ASTN2: variants seen among roughly 807,000 people sequenced by gnomAD.
The protein encoded by ASTN2 is astrotactin-2.
Under a neutral mutation model 139.8 loss-of-function variants are expected in ASTN2, and 54 were observed. That is an observed-to-expected ratio of 0.39 (90% CI 0.31 to 0.48). ASTN2 has a LOEUF of 0.48. Ranked by LOEUF, ASTN2 falls within the 20% of genes least tolerant of loss-of-function variation. The probability of loss-of-function intolerance (pLI) is 0.95; values close to 1 mark genes in which losing one functional copy is unlikely to be tolerated. For missense variants in ASTN2, 1,565 were observed against 1,725.1 expected (o/e 0.91, Z 1.64); for synonymous variants, 756 against 719.5 (o/e 1.05, Z -0.81).
chr9:117,016,255 T>C (rs911652352), intron 6 of ASTN2, among the ~76,000 whole-genome samples: 2 of 152,002 alleles, frequency 1.3e-5, no homozygotes, highest in Non-Finnish European at 2.9e-5. Context: ...AGCTAGAACA[T>C]GGACTTTGTG....
chr9:116,629,907 T>C (rs1177131468), intron 17 of ASTN2, among the ~76,000 whole-genome samples: 1 of 152,120 alleles, frequency 6.6e-6, no homozygotes, highest in Non-Finnish European at 1.5e-5. Flanking sequence ...CAGCTGTCTG[T>C]TTCTCAAGAT....
rs35759848 is a variant in ASTN2, at chr9:117,005,080, A to ATTTTTTTTTTT, written c.1591+3001_1591+3011dup. On this transcript the variant is annotated intron_variant, in intron 7 of 22. Coordinates refer to ENST00000313400, the MANE Select transcript of ASTN2 (RefSeq NM_001365068.1). ...AATTTGAGTTGTGGACCTGTAGTCG[A>ATTTTTTTTTTT]TTTTTTTTTTTTTTTTTTTTTTTTG... 1.1e-4 allele frequency among the ~76,000 whole-genome samples: 8 copies of ATTTTTTTTTTT among 74,666 alleles called. 2 individuals carry two copies. Among genetic ancestry groups the ATTTTTTTTTTT allele is most frequent in the African/African-American group, 3.4e-4 (6 of 17,906 alleles). 49.0% of individuals were successfully genotyped at this position (74,666 alleles called of 152,430 possible).
At position 117,284,065 on chromosome 9, in the gene ASTN2, G is replaced by A. The variant is rs1217657066; in HGVS notation, c.630+7261C>T. ...CAATATGTTAAGCTCCTAACCCTCA[G>A]TACTTCAGAATGTGGTGTTATTTGA... On this transcript the variant is annotated intron_variant, in intron 2 of 22. Transcript: ENST00000313400. Among the ~76,000 whole-genome samples the A allele has an allele frequency of 2.0e-5, 3 of 152,148 alleles. No individual in the cohort carries two copies. The East Asian group carries it at 5.8e-4, about 29-fold the overall frequency.
chr9:116,920,953 A>G (rs1254921321), intron 10 of ASTN2, among the ~76,000 whole-genome samples: 1 of 152,206 alleles, frequency 6.6e-6, no homozygotes, highest in Non-Finnish European at 1.5e-5. Flanking sequence ...TCACACTGTT[A>G]CAATGAAATA....
chr9:116,836,894 T>A (rs1318626422), intron 11 of ASTN2, among the ~76,000 whole-genome samples: 1 of 151,928 alleles, frequency 6.6e-6, no homozygotes, highest in Non-Finnish European at 1.5e-5. Flanking sequence ...CTTTTACATT[T>A]TTTTTTTAAA....
At chr9:117,240,920 T>A (rs1187675692) in intron 2 of ASTN2, among the ~76,000 whole-genome samples, 1 of 152,196 alleles carries the variant, frequency 6.6e-6, no homozygotes, top group Non-Finnish European at 1.5e-5. Flanking sequence ...AATTTTAGCA[T>A]AAGGCTCACA....
intron 20 of ASTN2, among the ~76,000 whole-genome samples, chr9:116,468,536 C>T (rs1023422719): frequency 6.6e-6 from 1 of 152,180 alleles, no homozygotes; most frequent in African/African-American, 2.4e-5. Context: ...AGATTTTAAT[C>T]TCCCTTCTTT....
At chr9:116,486,571 C>G (rs1849345009) in intron 20 of ASTN2, among the ~76,000 whole-genome samples, 1 of 152,180 alleles carries the variant, frequency 6.6e-6, no homozygotes. Flanking sequence ...GAATAAAGCT[C>G]AACTTCGTAA....
chr9:117,201,470 G>A (rs2132990927), intron 3 of ASTN2, among the ~76,000 whole-genome samples: 1 of 152,174 alleles, frequency 6.6e-6, no homozygotes, highest in East Asian at 1.9e-4. Context: ...TCTGATGTGG[G>A]CATTTAGTGC....
At chr9:116,890,446 C>T (rs1833734851) in intron 10 of ASTN2, among the ~76,000 whole-genome samples, 1 of 152,202 alleles carries the variant, frequency 6.6e-6, no homozygotes. Context: ...CAAGAGAACC[C>T]ATTTCCCCAC....
chr9:117,022,967 T>C (rs1410778679), intron 6 of ASTN2, among the ~76,000 whole-genome samples: 1 of 149,532 alleles, frequency 6.7e-6, no homozygotes, highest in Non-Finnish European at 1.5e-5. Flanking sequence ...AACAGGAAGA[T>C]AGTGAAAACA....
At chr9:117,085,584 C>T (rs1828540328) in intron 5 of ASTN2, among the ~76,000 whole-genome samples, 1 of 152,152 alleles carries the variant, frequency 6.6e-6, no homozygotes, top group Admixed American at 6.5e-5. Flanking sequence ...TTGGTGGTGC[C>T]CTGGGACGGC....
chr9:117,156,431 G>A (rs1830434827), intron 3 of ASTN2, among the ~76,000 whole-genome samples: 1 of 152,002 alleles, frequency 6.6e-6, no homozygotes, highest in Non-Finnish European at 1.5e-5. Flanking sequence ...CTAATTCTTT[G>A]CTGTGGAAAC....
At chr9:116,926,396 G>A (rs962739116) in intron 10 of ASTN2, among the ~76,000 whole-genome samples, 9 of 152,108 alleles carry the variant, frequency 5.9e-5, no homozygotes, top group Admixed American at 3.9e-4. Context: ...ATCTTCTATA[G>A]CCTTGCCAGC....
intron 7 of ASTN2, among the ~76,000 whole-genome samples, chr9:116,990,618 C>T (rs1327052449): frequency 1.3e-5 from 2 of 152,136 alleles, no homozygotes; most frequent in African/African-American, 4.8e-5. Context: ...CTTGTCTTCC[C>T]TTCCATTCAC....
intron 10 of ASTN2, among the ~76,000 whole-genome samples, chr9:116,965,022 A>G (rs193219839): frequency 1.3e-5 from 2 of 152,318 alleles, no homozygotes; most frequent in East Asian, 3.9e-4. Flanking sequence ...AGGACTTCTA[A>G]ATACCATCAG....
chr9:117,002,052 T>G lies in ASTN2; in HGVS notation c.1591+6040A>C, dbSNP rs956559826. Reference sequence around the variant, plus strand: ...CCCCATGAAAATATATTTAGGGATCTTATGTTCCTATTTCAATTTTCTACC... The same window carrying G: ...CCCCATGAAAATATATTTAGGGATCGTATGTTCCTATTTCAATTTTCTACC... On this transcript the variant is annotated intron_variant, in intron 7 of 22. Coordinates refer to ENST00000313400, the MANE Select transcript of ASTN2 (RefSeq NM_001365068.1). Among the ~76,000 whole-genome samples, 3 of 152,352 alleles carry G rather than the reference T, an allele frequency of 2.0e-5. No homozygotes were observed. The East Asian group carries it at 5.8e-4, about 29-fold the overall frequency.
rs1433485798 is a variant in ASTN2 at position 117,120,049 on chromosome 9, T to TATATATATATATATATATATATAC, written c.1168+21276_1168+21277insGTATATATATATATATATATATAT. Among the ~76,000 whole-genome samples the TATATATATATATATATATATATAC allele has an allele frequency of 2.8e-4, 36 of 129,340 alleles. 3 individuals carry two copies. Among genetic ancestry groups the TATATATATATATATATATATATAC allele is most frequent in the African/African-American group, 1.1e-3 (34 of 31,776 alleles). 84.9% of individuals were successfully genotyped at this position (129,340 alleles called of 152,430 possible). On this transcript the variant is annotated intron_variant, in intron 4 of 22. Coordinates refer to ENST00000313400, the MANE Select transcript of ASTN2 (RefSeq NM_001365068.1). Reference sequence around the variant, plus strand: ...ATATATATATATATATATATATATATACCCTGAGTATATATACTCAGAGAT... The same window carrying TATATATATATATATATATATATAC: ...ATATATATATATATATATATATATATATATATATATATATATATATATACACCCTGAGTATATATACTCAGAGAT...
At chr9:117,215,233 T>A (rs1572301) in intron 2 of ASTN2, among the ~76,000 whole-genome samples, 146,363 of 152,204 alleles carry the variant, frequency 0.96, 70,477 homozygotes, top group Non-Finnish European at 0.99. Context: ...TGAAAGATCA[T>A]GAGACAGTAG....
Sources: gnomAD v4.1 joint callset for allele counts (sites outside exome capture counted in the v4.1 genomes callset) on GRCh38, gnomAD v4.1.1 for gene constraint, MANE v1.5 for transcripts, NCBI Gene and HGNC (gene_info 2026-07-23, HGNC 2026-07-21) for gene names.